The following SYTL5 variants were observed in gnomAD, a reference collection of about 807,000 sequenced individuals.
SYTL5 encodes the protein synaptotagmin-like protein 5.
A neutral mutation model predicts 55.9 loss-of-function variants in SYTL5; 34 were observed. The ratio of observed to expected loss-of-function variants is 0.61; its 90% confidence interval spans 0.46 to 0.81. The LOEUF (loss-of-function observed/expected upper bound fraction) is 0.81, where lower values mean the gene tolerates loss of function less well. SYTL5 is among the 30% of genes least tolerant of loss of function. The probability of loss-of-function intolerance (pLI) is 0.00; values close to 1 mark genes in which losing one functional copy is unlikely to be tolerated. For missense variants in SYTL5, 637 were observed against 546.7 expected (o/e 1.17, Z -1.65); for synonymous variants, 221 against 188.7 (o/e 1.17, Z -1.40).
the SYTL5 span, among the ~76,000 whole-genome samples, chrX:37,932,555 G>C: frequency 1.6e-4 from 18 of 111,480 alleles, no homozygotes; most frequent in African/African-American, 5.9e-4. Context: ...ACCCACTGAG[G>C]GTGTTGGAAT....
the SYTL5 span, among the ~76,000 whole-genome samples, chrX:37,914,379 A>G: frequency 6.2e-5 from 7 of 112,176 alleles, no homozygotes; most frequent in Non-Finnish European, 9.4e-5. Flanking sequence ...TTATTATTTC[A>G]ACAGAGTAAA....
intron 1 of SYTL5, among the ~76,000 whole-genome samples, chrX:38,022,791 A>G (rs1376620942): frequency 6.2e-5 from 7 of 112,310 alleles, no homozygotes; most frequent in African/African-American, 2.3e-4. Context: ...ATAGATAGCT[A>G]AGCTAAACTA....
At chrX:37,891,245 T>C in the SYTL5 span, among the ~76,000 whole-genome samples, 4 of 112,138 alleles carry the variant, frequency 3.6e-5, no homozygotes, top group South Asian at 1.5e-3. Flanking sequence ...CATCAATTCA[T>C]TAATGTATAA....
At chrX:37,908,894 A>G in the SYTL5 span, among the ~76,000 whole-genome samples, 1 of 111,538 alleles carries the variant, frequency 9.0e-6, no homozygotes, top group African/African-American at 3.3e-5. Context: ...GGATTTAGTG[A>G]GGAAAAAAAA....
chrX:38,055,485 G>C (rs1428215791), intron 3 of SYTL5, among the ~76,000 whole-genome samples: 1 of 111,671 alleles, frequency 9.0e-6, no homozygotes, highest in Non-Finnish European at 1.9e-5. Context: ...TGTCTCCTCT[G>C]CTCTGGGAGG....
At chrX:37,898,119 C>G in the SYTL5 span, among the ~76,000 whole-genome samples, 1,687 of 111,681 alleles carry the variant, frequency 0.015, 30 homozygotes, top group African/African-American at 0.052. Context: ...AATCTGGTCT[C>G]TGGCAAGGGC....
chrX:37,944,488 C>T, the SYTL5 span, among the ~76,000 whole-genome samples: 1 of 111,621 alleles, frequency 9.0e-6, no homozygotes, highest in African/African-American at 3.3e-5. Flanking sequence ...TTGTGACATA[C>T]CACAAAACTG....
At chrX:37,911,484 T>G in the SYTL5 span, among the ~76,000 whole-genome samples, 50 of 111,751 alleles carry the variant, frequency 4.5e-4, no homozygotes, top group African/African-American at 1.5e-3. Flanking sequence ...TTCTAGAAGC[T>G]CAAAGCTGAT....
chrX:38,110,560 C>A, intron 13 of SYTL5, 78 bp downstream of exon 13: 1 of 833,494 alleles, frequency 1.2e-6, no homozygotes, highest in Non-Finnish European at 1.6e-6. Context: ...ACCTAAAGAA[C>A]TTGAAGACTT....
the SYTL5 span, among the ~76,000 whole-genome samples, chrX:37,987,788 G>C: frequency 1.4e-3 from 155 of 112,232 alleles, 1 homozygote; most frequent in African/African-American, 4.9e-3. Context: ...AGAGCCCACT[G>C]TGCTCAATAA....
the SYTL5 span, among the ~76,000 whole-genome samples, chrX:37,991,699 G>A: frequency 1.8e-5 from 2 of 111,948 alleles, no homozygotes; most frequent in African/African-American, 6.5e-5. Context: ...GAGGGCGGTG[G>A]CCACAGGGGT....
chrX:38,085,375 G>T (rs1469071785), intron 6 of SYTL5, among the ~76,000 whole-genome samples: 1 of 111,157 alleles, frequency 9.0e-6, no homozygotes, highest in Non-Finnish European at 1.9e-5. Flanking sequence ...AGTTTCTAAT[G>T]TGCATCTGAG....
At chrX:38,049,604 C>T (rs888569029) in intron 2 of SYTL5, among the ~76,000 whole-genome samples, 2 of 111,561 alleles carry the variant, frequency 1.8e-5, no homozygotes, top group African/African-American at 6.5e-5. Context: ...CCATTAAAGG[C>T]ATGACCTAAA....
intron 3 of SYTL5, among the ~76,000 whole-genome samples, chrX:38,061,209 T>C (rs1935932759): frequency 8.9e-6 from 1 of 112,255 alleles, no homozygotes; most frequent in Non-Finnish European, 1.9e-5. Context: ...ATTTACATGA[T>C]GAGTATTTAA....
chrX:38,027,179 A>G (rs1350491711), intron 1 of SYTL5, among the ~76,000 whole-genome samples: 4 of 112,011 alleles, frequency 3.6e-5, no homozygotes, highest in African/African-American at 9.7e-5. Flanking sequence ...TAAGTGTTCA[A>G]TTTAAGAAAA....
rs112023524 is a variant in SYTL5 at position 38,025,611 on chromosome X, A to G, written c.-356-7923A>G. 3.6e-3 allele frequency among the ~76,000 whole-genome samples: 409 copies of G among 112,454 alleles called. 3 individuals carry two copies. Among genetic ancestry groups the G allele is most frequent in the Non-Finnish European group, 5.7e-3 (304 of 53,259 alleles). On this transcript the variant is annotated intron_variant, in intron 1 of 16. Coordinates refer to ENST00000297875, the MANE Select transcript of SYTL5 (RefSeq NM_138780.3). ...CACAGAGGGAAAAATCTACATCTAT[A>G]TTTAAAGAGAGAGATCTGTTTAAGT...
At chrX:38,054,180 T>C in intron 2 of SYTL5, 33 bp from the exon 3 acceptor site, 1 of 1,089,618 alleles carries the variant, frequency 9.2e-7, no homozygotes, top group Non-Finnish European at 1.3e-6. Flanking sequence ...CTGTTTGTTT[T>C]TTTAAGTGAT....
chrX:38,091,562 C>G (rs1936800189), intron 7 of SYTL5, among the ~76,000 whole-genome samples: 1 of 111,156 alleles, frequency 9.0e-6, no homozygotes, highest in African/African-American at 3.3e-5. Context: ...TGCACTAAAC[C>G]TGAATTATGG....
At chrX:38,035,605 A>T (rs998950357) in intron 2 of SYTL5, among the ~76,000 whole-genome samples, 1 of 109,810 alleles carries the variant, frequency 9.1e-6, no homozygotes, top group Non-Finnish European at 1.9e-5. Flanking sequence ...AAAAAAAAAA[A>T]ATCATTTCTG....
Sources: allele counts gnomAD v4.1 joint callset (sites outside exome capture counted in the v4.1 genomes callset), GRCh38; gene constraint gnomAD v4.1.1; transcripts MANE v1.5; gene names NCBI Gene and HGNC (gene_info 2026-07-23, HGNC 2026-07-21).